The following DESI2 variants were observed in gnomAD, a reference collection of about 807,000 sequenced individuals.
DESI2 encodes the protein desumoylating isopeptidase 2, also known as deubiquitinase DESI2.
In DESI2, 10 loss-of-function variants were observed where a neutral mutation model predicts 24.1. That is an observed-to-expected ratio of 0.41 (90% CI 0.26 to 0.70). DESI2 has a LOEUF of 0.70. Ranked by LOEUF, DESI2 falls within the 30% of genes least tolerant of loss-of-function variation. The pLI is 0.29. For missense variants in DESI2, 122 were observed against 234.9 expected (o/e 0.52, Z 3.14); for synonymous variants, 71 against 87.7 (o/e 0.81, Z 1.06).
chr1:244,668,259 A>T (rs1207839245), intron 1 of DESI2, among the ~76,000 whole-genome samples: 1 of 152,200 alleles, frequency 6.6e-6, no homozygotes, highest in African/African-American at 2.4e-5. Context: ...ATTTAAACTG[A>T]CATACAATTT....
At chr1:244,701,012 C>G (rs1034800440) in intron 4 of DESI2, among the ~76,000 whole-genome samples, 7 of 152,102 alleles carry the variant, frequency 4.6e-5, no homozygotes, top group African/African-American at 1.2e-4. Context: ...GTAGAAGGTG[C>G]AGCCTGCCTT....
intron 1 of DESI2, chr1:244,653,816 C>A: frequency 2.5e-6 from 1 of 392,832 alleles, no homozygotes; most frequent in Non-Finnish European, 5.2e-6. Flanking sequence ...ACTCCCAAGC[C>A]CCTCTAAGTC....
At chr1:244,693,900 G>T (rs756814435) in intron 4 of DESI2, among the ~76,000 whole-genome samples, 3 of 152,268 alleles carry the variant, frequency 2.0e-5, no homozygotes, top group Non-Finnish European at 4.4e-5. Context: ...AGCTCTTGCC[G>T]ATTGTGAAAT....
chr1:244,668,493 C>T (rs150666554), intron 1 of DESI2, among the ~76,000 whole-genome samples: 2 of 152,314 alleles, frequency 1.3e-5, no homozygotes, highest in Non-Finnish European at 2.9e-5. Flanking sequence ...AAGTCAAACA[C>T]TTGCTTCAAT....
chr1:244,656,843 C>T (rs887120232), intron 1 of DESI2, among the ~76,000 whole-genome samples: 3 of 152,120 alleles, frequency 2.0e-5, no homozygotes, highest in African/African-American at 7.2e-5. Flanking sequence ...GGTGCGATCT[C>T]GGCTCACAGC....
At chr1:244,669,378 TAAAA>T (rs1253383725) in intron 1 of DESI2, among the ~76,000 whole-genome samples, 2 of 151,022 alleles carry the variant, frequency 1.3e-5, no homozygotes, top group African/African-American at 4.9e-5. Context: ...TATTCTTGCT[TAAAA>T]AAAGAAACTA....
chr1:244,674,590 T>C (rs1213081982), intron 1 of DESI2, among the ~76,000 whole-genome samples: 1 of 152,214 alleles, frequency 6.6e-6, no homozygotes, highest in Admixed American at 6.5e-5. Context: ...GGGCATTTCA[T>C]ATAAATGGAA....
At position 244,705,720 on chromosome 1, in the gene DESI2, T is replaced by TGCTGCC; in HGVS notation, c.519_524dup (p.Ala174_Ala175dup). On this transcript the variant is annotated inframe_insertion, in exon 5 of 5. Transcript: ENST00000302550. ...AGGATGAACTGGAGGAAGCAGAGGA[T>TGCTGCC]GCTGCCGCATCCGCTTCCGTGGCAA... 6.2e-7 allele frequency: 1 copy of TGCTGCC among 1,614,016 alleles called. No homozygotes were observed. Among genetic ancestry groups the TGCTGCC allele is most frequent in the South Asian group, 1.1e-5 (1 of 91,088 alleles).
rs2148823788 is a variant in DESI2, at chr1:244,708,173, G to A, written c.*2384G>A. 1 of 152,320 alleles carries A rather than the reference G, an allele frequency of 6.6e-6. No individual in the cohort carries two copies. Among genetic ancestry groups the A allele is most frequent in the East Asian group, 1.9e-4 (1 of 5,178 alleles). 9.4% of individuals were successfully genotyped at this position (152,320 alleles called of 1,614,324 possible). A position where few individuals can be genotyped will look rare whatever the true frequency, so the allele number is the denominator to read the frequency against. ...AAGAAAAATCCCATATGAACAATCT[G>A]GTCATTAACATACATATGATACGGA... On this transcript the variant is annotated 3_prime_UTR_variant, in exon 5 of 5. Transcript: ENST00000302550.
At chr1:244,700,718 T>TG (rs1171165622) in intron 4 of DESI2, among the ~76,000 whole-genome samples, 4 of 152,212 alleles carry the variant, frequency 2.6e-5, no homozygotes, top group African/African-American at 9.6e-5. Context: ...ACCTCATCAA[T>TG]GAGATAGCTA....
Position 244,664,821 on chromosome 1 carries a change from T to C in DESI2, c.42+11466T>C, listed in dbSNP as rs1021045072. 3.9e-5 allele frequency among the ~76,000 whole-genome samples: 6 copies of C among 152,408 alleles called. No homozygotes were observed. The South Asian group carries it at 1.0e-3, about 26-fold the overall frequency. ...TTTGCCTTACAGAAATTTTGTTCTA[T>C]GTGGTCAAAACTGTTGGTCTTTTAT... On this transcript the variant is annotated intron_variant, in intron 1 of 4. Coordinates refer to ENST00000302550, the MANE Select transcript of DESI2 (RefSeq NM_016076.5).
chr1:244,703,633 G>A (rs1677567238), intron 4 of DESI2, among the ~76,000 whole-genome samples: 1 of 150,940 alleles, frequency 6.6e-6, no homozygotes, highest in African/African-American at 2.4e-5. Context: ...TTACAGGCAT[G>A]AGCCACCATG....
At chr1:244,693,066 C>G (rs557849249) in intron 4 of DESI2, among the ~76,000 whole-genome samples, 22 of 152,294 alleles carry the variant, frequency 1.4e-4, no homozygotes, top group African/African-American at 5.1e-4. Flanking sequence ...TTTCAAAGAT[C>G]TGTTGAGTGC....
chr1:244,671,014 G>A (rs1676225337), intron 1 of DESI2, among the ~76,000 whole-genome samples: 1 of 152,320 alleles, frequency 6.6e-6, no homozygotes, highest in East Asian at 1.9e-4. Context: ...CTAAGGGAAA[G>A]AGATCCTTGG....
chr1:244,668,444 A>G (rs1423195610), intron 1 of DESI2, among the ~76,000 whole-genome samples: 1 of 152,220 alleles, frequency 6.6e-6, no homozygotes, highest in East Asian at 1.9e-4. Context: ...TCAAAAATTG[A>G]AATGTCTTCT....
At chr1:244,682,560 CTTCTTT>C (rs1676655547) in intron 1 of DESI2, among the ~76,000 whole-genome samples, 1 of 151,898 alleles carries the variant, frequency 6.6e-6, no homozygotes, top group Admixed American at 6.6e-5. Flanking sequence ...CTGGTTTTTT[CTTCTTT>C]TTCTTTTTTG....
chr1:244,664,664 C>T (rs192920059), intron 1 of DESI2, among the ~76,000 whole-genome samples: 14 of 152,322 alleles, frequency 9.2e-5, no homozygotes, highest in African/African-American at 3.4e-4. Context: ...TGCCACTGCA[C>T]TCAGTCTGGG....
chr1:244,699,684 G>A (rs2148816547), intron 4 of DESI2, among the ~76,000 whole-genome samples: 1 of 150,832 alleles, frequency 6.6e-6, no homozygotes, highest in South Asian at 2.1e-4. Context: ...GAGAGTAGAG[G>A]ACAATTTTTT....
intron 1 of DESI2, among the ~76,000 whole-genome samples, chr1:244,673,094 G>C (rs1022776395): frequency 6.6e-6 from 1 of 151,998 alleles, no homozygotes; most frequent in African/African-American, 2.4e-5. Flanking sequence ...GCATAGCTTT[G>C]GCAGGACTTT....
Sources: gnomAD v4.1 joint callset for allele counts (sites outside exome capture counted in the v4.1 genomes callset) on GRCh38, gnomAD v4.1.1 for gene constraint, MANE v1.5 for transcripts, NCBI Gene and HGNC (gene_info 2026-07-23, HGNC 2026-07-21) for gene names.